Variants in AS3MT observed in about 807,000 individuals in gnomAD.
AS3MT encodes the protein S-adenosyl-L-methionine:arsenic(III) methyltransferase.
AS3MT carries 47 observed loss-of-function variants against 45.3 expected under a neutral mutation model. That is an observed-to-expected ratio of 1.04 (90% CI 0.82 to 1.32). The LOEUF (loss-of-function observed/expected upper bound fraction) is 1.32, where lower values mean the gene tolerates loss of function less well. Among genes scored for constraint, AS3MT ranks in the 40% most tolerant of loss-of-function variants. The pLI is 0.00. For synonymous variants in AS3MT, 141 were observed against 152.8 expected (o/e 0.92, Z 0.57); for missense variants, 396 against 451.1 (o/e 0.88, Z 1.11).
Position 102,891,310 on chromosome 10 carries a change from C to T in AS3MT, c.1020+632C>T, listed in dbSNP as rs144089184. Among the ~76,000 whole-genome samples, 1,124 of 152,316 alleles carry T rather than the reference C, an allele frequency of 7.4e-3. 5 individuals carry two copies. Among genetic ancestry groups the T allele is most frequent in the Non-Finnish European group, 0.011 (730 of 68,016 alleles). On this transcript the variant is annotated intron_variant, in intron 10 of 10. Transcript: ENST00000369880. ...TTCCTGGTGGAGTCGGCGCGGGGAG[C>T]CCTCTCCTGCCCTGCTCACGCCTGA...
intron 10 of AS3MT, among the ~76,000 whole-genome samples, chr10:102,892,442 C>T (rs1030369383): frequency 3.9e-5 from 6 of 152,080 alleles, no homozygotes; most frequent in Non-Finnish European, 7.3e-5. Context: ...ATTTCAGACT[C>T]TCCAAATCAA....
chr10:102,895,693 C>T lies in AS3MT; in HGVS notation c.1021-4900C>T, dbSNP rs1255745375. ...TTACGCCACCAGGTGATCCACCCAC[C>T]TAGGTTGCCCAGCCTGGGCAACAAG... On this transcript the variant is annotated intron_variant, in intron 10 of 10. Coordinates refer to ENST00000369880, the MANE Select transcript of AS3MT (RefSeq NM_020682.4). Among the ~76,000 whole-genome samples the T allele has an allele frequency of 2.6e-5, 4 of 152,148 alleles. No homozygotes were observed. The East Asian group carries it at 5.8e-4, about 22-fold the overall frequency.
chr10:102,888,876 TA>T (rs1564794532), intron 9 of AS3MT, among the ~76,000 whole-genome samples: 4,173 of 52,240 alleles, frequency 0.08, 180 homozygotes, highest in Non-Finnish European at 0.12. Flanking sequence ...TATATATATA[TA>T]TATATTTTTT....
At position 102,898,038 on chromosome 10, in the gene AS3MT, A is replaced by G. The variant is rs574669065; in HGVS notation, c.1021-2555A>G. ...TTGAAATGGGAATAAGTGACACTGA[A>G]GGAAGATTTTAATAAATGAAACAGT... On this transcript the variant is annotated intron_variant, in intron 10 of 10. Transcript: ENST00000369880. Among the ~76,000 whole-genome samples the G allele has an allele frequency of 2.0e-5, 3 of 152,302 alleles. No individual in the cohort carries two copies. In the South Asian group the frequency reaches 6.2e-4, roughly 32 times the overall value.
chr10:102,889,185 C>T lies in AS3MT; in HGVS notation c.886-1359C>T, dbSNP rs529641832. 8.5e-5 allele frequency among the ~76,000 whole-genome samples: 13 copies of T among 152,102 alleles called. No individual in the cohort carries two copies. In the East Asian group the frequency reaches 1.7e-3, roughly 20 times the overall value. ...GATTACAGGCTTGAGCCACCGTGCCCGGCCAAACCCTATATTTATAACCAT... is the reference window on the plus strand; with the variant it reads ...GATTACAGGCTTGAGCCACCGTGCCTGGCCAAACCCTATATTTATAACCAT... On this transcript the variant is annotated intron_variant, in intron 9 of 10. Transcript: ENST00000369880.
chr10:102,891,451 A>T (rs907500292), intron 10 of AS3MT, among the ~76,000 whole-genome samples: 6 of 152,198 alleles, frequency 3.9e-5, no homozygotes, highest in Non-Finnish European at 8.8e-5. Context: ...TTTTCTCTCA[A>T]AACAGGACAA....
At chr10:102,895,805 C>T (rs1333270748) in intron 10 of AS3MT, among the ~76,000 whole-genome samples, 4 of 150,154 alleles carry the variant, frequency 2.7e-5, no homozygotes, top group Non-Finnish European at 5.9e-5. Flanking sequence ...GACAGAGCTT[C>T]GCTCTTGTTG....
rs775888270 is a variant in AS3MT at position 102,870,097 on chromosome 10, AG to A, written c.58del (p.Val20CysfsTer2). On this transcript the variant is annotated frameshift_variant, in exon 3 of 11. Transcript: ENST00000369880. LOFTEE classifies it high-confidence loss of function. ...IQKDVQTYYGQVLKRSADLQT... is the reference protein window; with the variant it reads ...IQKDVQTYYGXVLKRSADLQT... ...ACGCTGGGTCAGACCTACTACGGGC[AG>A]GTGCTGAAGAGATCGGCAGACCTCC... 1.2e-6 allele frequency: 2 copies of A among 1,613,942 alleles called. No homozygotes were observed. The highest frequency in any genetic ancestry group is 1.7e-5 in the Admixed American group (1 of 59,998).
chr10:102,872,996 T>C, intron 4 of AS3MT, 101 bp from the exon 5 acceptor site: 4 of 1,001,034 alleles, frequency 4.0e-6, no homozygotes, highest in Non-Finnish European at 5.8e-6. Flanking sequence ...TTATCCAAAA[T>C]AATCTAGGGG....
intron 9 of AS3MT, among the ~76,000 whole-genome samples, chr10:102,885,306 A>G (rs1844930847): frequency 6.6e-6 from 1 of 152,018 alleles, no homozygotes; most frequent in South Asian, 2.1e-4. Flanking sequence ...GCTGCAGGTG[A>G]CAGGATTTCC....
At chr10:102,896,189 G>A (rs2134133040) in intron 10 of AS3MT, among the ~76,000 whole-genome samples, 1 of 151,990 alleles carries the variant, frequency 6.6e-6, no homozygotes, top group African/African-American at 2.4e-5. Context: ...AAAATTAGCT[G>A]GGCACGGTGG....
intron 10 of AS3MT, among the ~76,000 whole-genome samples, chr10:102,894,145 G>T (rs1845122249): frequency 1.3e-5 from 2 of 151,980 alleles, no homozygotes; most frequent in African/African-American, 2.4e-5. Flanking sequence ...AAAATTCTAG[G>T]CCGGGCGCGG....
At chr10:102,892,117 G>T (rs914366061) in intron 10 of AS3MT, among the ~76,000 whole-genome samples, 3 of 151,924 alleles carry the variant, frequency 2.0e-5, no homozygotes, top group Non-Finnish European at 1.5e-5. Flanking sequence ...GATAAACCAG[G>T]TTATAATTTT....
chr10:102,895,734 C>CA (rs1192424489), intron 10 of AS3MT, among the ~76,000 whole-genome samples: 8 of 149,948 alleles, frequency 5.3e-5, no homozygotes, highest in Middle Eastern at 3.5e-3. Context: ...AACTCCATCT[C>CA]AAAAAAACAA....
intron 6 of AS3MT, among the ~76,000 whole-genome samples, chr10:102,875,628 T>G (rs1050088268): frequency 6.6e-6 from 1 of 151,442 alleles, no homozygotes; most frequent in Non-Finnish European, 1.5e-5. Context: ...TCTAAAAAAA[T>G]GTTTTTTTTT....
chr10:102,876,989 G>A lies in AS3MT; in HGVS notation c.564G>A (p.Thr188=), dbSNP rs1228547975. The A allele has an allele frequency of 8.1e-6, 13 of 1,614,102 alleles. No homozygotes were observed. Among genetic ancestry groups the A allele is most frequent in the East Asian group, 2.2e-5 (1 of 44,862 alleles). Residue 188 remains threonine, a synonymous_variant, in exon 7 of 11, where the codon ACG becomes ACA. Coordinates refer to ENST00000369880, the MANE Select transcript of AS3MT (RefSeq NM_020682.4). ...AGTTATATTTCAGTGACGTCTATAC[G>A]AGCCTTGAACTGCCAGAAGAAATCA... ...GGELYFSDVY[T]SLELPEEIRT...
chr10:102,871,550 A>C (rs1278337523), intron 3 of AS3MT, among the ~76,000 whole-genome samples: 55 of 65,722 alleles, frequency 8.4e-4, no homozygotes, highest in African/African-American at 1.3e-3. Flanking sequence ...CCGTCTCAAA[A>C]AAAAAAAAAA....
chr10:102,892,765 C>G (rs900413714), intron 10 of AS3MT, among the ~76,000 whole-genome samples: 15 of 151,998 alleles, frequency 9.9e-5, no homozygotes, highest in Non-Finnish European at 1.0e-4. Flanking sequence ...TGCCTGAGCT[C>G]AGGAGTTCAA....
In AS3MT at chr10:102,869,524, G is replaced by T; in HGVS notation, c.-69G>T. 7.4e-7 allele frequency: 1 copy of T among 1,344,500 alleles called. No homozygotes were observed. The allele number at this position is 1,344,500 out of a possible 1,614,324, so 83.3% of individuals were successfully genotyped here. On this transcript the variant is annotated 5_prime_UTR_variant, in exon 1 of 11. Coordinates refer to ENST00000369880, the MANE Select transcript of AS3MT (RefSeq NM_020682.4). Reference sequence around the variant, plus strand: ...CTGAGTCGCAGGCCGAGGAGACAGTGAGTGCGCGCCCTGAGTCGCAGGCCG... The same window carrying T: ...CTGAGTCGCAGGCCGAGGAGACAGTTAGTGCGCGCCCTGAGTCGCAGGCCG...
Sources: allele counts gnomAD v4.1 joint callset (sites outside exome capture counted in the v4.1 genomes callset), GRCh38; gene constraint gnomAD v4.1.1; transcripts MANE v1.5; gene names NCBI Gene and HGNC (gene_info 2026-07-23, HGNC 2026-07-21).